Variants in PEX13 observed in about 807,000 individuals in gnomAD.
PEX13 encodes peroxisomal biogenesis factor 13.
In PEX13, 28 loss-of-function variants were observed where a neutral mutation model predicts 34.5. The observed-to-expected ratio is 0.81, with a 90% CI of 0.60 to 1.11. The LOEUF (loss-of-function observed/expected upper bound fraction) is 1.11, where lower values mean the gene tolerates loss of function less well. Among genes scored for constraint, PEX13 ranks in the 50% most tolerant of loss-of-function variants. The pLI, the probability that PEX13 is intolerant of heterozygous loss-of-function variation, is 0.00. For missense variants in PEX13, 550 were observed against 491.0 expected (o/e 1.12, Z -1.13); for synonymous variants, 177 against 175.1 (o/e 1.01, Z -0.09).
intron 2 of PEX13, among the ~76,000 whole-genome samples, chr2:61,039,733 T>C (rs1680591470): frequency 6.6e-6 from 1 of 152,126 alleles, no homozygotes; most frequent in Admixed American, 6.5e-5. Flanking sequence ...AAAGCCGGAA[T>C]AGACAGATGG....
rs1015105512 is a variant in PEX13 at position 61,048,818 on chromosome 2, T to A, written c.*48T>A. ...TTGAACAATACTTTAGAGTACTTTT[T>A]AAAATTATTTCTCACAAAGAAATGA... is the stretch of plus-strand genomic sequence containing the variant. On this transcript the variant is annotated 3_prime_UTR_variant, in exon 4 of 4. Transcript: ENST00000295030. 2 of 1,407,082 alleles carry A rather than the reference T, an allele frequency of 1.4e-6. No homozygotes were observed. Among genetic ancestry groups the A allele is most frequent in the Non-Finnish European group, 2.0e-6 (2 of 994,562 alleles). 87.2% of individuals were successfully genotyped at this position (1,407,082 alleles called of 1,614,324 possible).
rs943141246 is a variant in PEX13, at chr2:61,028,392, C to CT, written c.93-3012dup. 5.9e-3 allele frequency among the ~76,000 whole-genome samples: 797 copies of CT among 135,452 alleles called. 3 individuals are homozygous for CT. Among genetic ancestry groups the CT allele is most frequent in the South Asian group, 0.021 (88 of 4,186 alleles). The allele number at this position is 135,452 out of a possible 152,430, so 88.9% of individuals were successfully genotyped here. ...TGGGGGTAGGACATTTCTTTCTTTT[C>CT]TTTTTTTTTTTTTTTGAAACAGAGT... is the stretch of plus-strand genomic sequence containing the variant. On this transcript the variant is annotated intron_variant, in intron 1 of 3. Transcript: ENST00000295030.
chr2:61,024,312 C>T (rs1680314089), intron 1 of PEX13, among the ~76,000 whole-genome samples: 1 of 152,184 alleles, frequency 6.6e-6, no homozygotes, highest in Non-Finnish European at 1.5e-5. Context: ...GCCATTATTT[C>T]TTTAAATATG....
chr2:61,018,960 C>A (rs966964196), intron 1 of PEX13: 2 of 152,164 alleles, frequency 1.3e-5, no homozygotes, highest in Non-Finnish European at 2.9e-5. Context: ...AACACAGAGA[C>A]CAGTAGAGAG....
chr2:61,017,841 C>A lies in PEX13; in HGVS notation c.82C>A (p.Pro28Thr). 2 of 1,550,428 alleles carry A rather than the reference C, an allele frequency of 1.3e-6. No individual in the cohort carries two copies. The highest frequency in any genetic ancestry group is 1.7e-6 in the Non-Finnish European group (2 of 1,146,768). ...PGAGPGPGPGPTFQSADLGPT... is the reference protein window; with the variant it reads ...PGAGPGPGPGTTFQSADLGPT... ...AGCCGGACCGGGACCAGGACCGGGC[C>A]CCACTTTCCAGTGAGTGTGGGATTC... The change falls in exon 1 of 4, where the codon CCC becomes ACC. Residue 28 changes from proline to threonine, a missense_variant. By Grantham distance (38) the Pro-to-Thr change is conservative (BLOSUM62 -1). Coordinates refer to ENST00000295030, the MANE Select transcript of PEX13 (RefSeq NM_002618.4).
At chr2:61,018,914 A>G (rs1379662947) in intron 1 of PEX13, 1 of 152,302 alleles carries the variant, frequency 6.6e-6, no homozygotes, top group East Asian at 1.9e-4. Flanking sequence ...TTTATGTAAA[A>G]TTAACCATTT....
Position 61,051,323 on chromosome 2 carries a change from G to C in PEX13, c.*2553G>C, listed in dbSNP as rs188594037. 6.6e-6 allele frequency: 1 copy of C among 152,450 alleles called. No homozygotes were observed. Among genetic ancestry groups the C allele is most frequent in the East Asian group, 1.9e-4 (1 of 5,330 alleles). 9.4% of individuals were successfully genotyped at this position (152,450 alleles called of 1,614,324 possible). A position where few individuals can be genotyped will look rare whatever the true frequency, so the allele number is the denominator to read the frequency against. On this transcript the variant is annotated 3_prime_UTR_variant, in exon 4 of 4. Transcript: ENST00000295030. ...AAAACAGATTATTAAATTTGGGGTT[G>C]AGATGTCTAAATTGAATGCTAGAAG... is the stretch of plus-strand genomic sequence containing the variant.
intron 2 of PEX13, among the ~76,000 whole-genome samples, chr2:61,037,668 T>TAA (rs997877474): frequency 7.2e-5 from 11 of 152,286 alleles, no homozygotes; most frequent in Admixed American, 7.2e-4. Flanking sequence ...AGGAAAGATC[T>TAA]AAAATCAACA....
chr2:61,046,405 T>C (rs957378740), intron 3 of PEX13, among the ~76,000 whole-genome samples: 1 of 152,234 alleles, frequency 6.6e-6, no homozygotes, highest in African/African-American at 2.4e-5. Flanking sequence ...AATGACCTTT[T>C]CCTTCACCCT....
At chr2:61,018,511 TAGGAC>T in intron 1 of PEX13, 1 of 444,784 alleles carries the variant, frequency 2.2e-6, no homozygotes, top group Non-Finnish European at 3.8e-6. Context: ...AGTTGGTTTC[TAGGAC>T]TTTAAAAAGG....
intron 1 of PEX13, chr2:61,018,067 T>C (rs1191327135): frequency 6.7e-7 from 1 of 1,501,988 alleles, no homozygotes; most frequent in Non-Finnish European, 8.9e-7. Context: ...TCAGCAACGT[T>C]TTTTTCGGGA....
chr2:61,038,913 G>C (rs1161544888), intron 2 of PEX13, among the ~76,000 whole-genome samples: 2 of 152,294 alleles, frequency 1.3e-5, no homozygotes, highest in East Asian at 3.9e-4. Flanking sequence ...CAAAGTATCA[G>C]GATACAAAAT....
rs1174135305 is a variant in PEX13, at chr2:61,026,727, G to A, written c.93-4692G>A. On this transcript the variant is annotated intron_variant, in intron 1 of 3. Transcript: ENST00000295030. ...ATTTAATTTCAATTTTTATTTCACA[G>A]ATATTATTTCATTTCTCTCTCTGAT... 2.6e-5 allele frequency among the ~76,000 whole-genome samples: 4 copies of A among 152,176 alleles called. No homozygotes were observed. In the East Asian group the frequency reaches 7.7e-4, roughly 29 times the overall value.
intron 2 of PEX13, among the ~76,000 whole-genome samples, chr2:61,041,108 C>A (rs772144525): frequency 1.3e-5 from 2 of 152,030 alleles, no homozygotes; most frequent in African/African-American, 2.4e-5. Context: ...CCTGGCAAAT[C>A]GCTTGAGCCC....
At chr2:61,034,351 A>G (rs796856660) in intron 2 of PEX13, among the ~76,000 whole-genome samples, 1 of 152,202 alleles carries the variant, frequency 6.6e-6, no homozygotes, top group South Asian at 2.1e-4. Flanking sequence ...CAAGATAGCC[A>G]AATAGGAACA....
rs770219667 is a variant in PEX13, at chr2:61,021,911, T to TC, written c.92+4062dup. 3.4e-4 allele frequency among the ~76,000 whole-genome samples: 52 copies of TC among 152,146 alleles called. No homozygotes were observed. The Middle Eastern group carries it at 0.01, about 30-fold the overall frequency. ...GGTCTGCAGTGGACCTCCAGCAAAC[T>TC]CCAACAGACCTGCAGCTGAGGGACG... On this transcript the variant is annotated intron_variant, in intron 1 of 3. Coordinates refer to ENST00000295030, the MANE Select transcript of PEX13 (RefSeq NM_002618.4).
At chr2:61,040,916 G>A (rs535333426) in intron 2 of PEX13, among the ~76,000 whole-genome samples, 1 of 151,084 alleles carries the variant, frequency 6.6e-6, no homozygotes, top group African/African-American at 2.4e-5. Flanking sequence ...TGGTTTTTAG[G>A]TAGAGCTAGG....
Position 61,017,747 on chromosome 2 carries a change from G to A in PEX13, c.-13G>A, listed in dbSNP as rs755500053. On this transcript the variant is annotated 5_prime_UTR_variant, in exon 1 of 4. Coordinates refer to ENST00000295030, the MANE Select transcript of PEX13 (RefSeq NM_002618.4). The stretch of plus-strand genomic sequence containing the variant: ...TCAGGGGTAGGAGCGGGAGCCGAGA[G>A]GAGGCGGAGGAGATGGCGTCCCAGC... 23 of 1,547,864 alleles carry A rather than the reference G, an allele frequency of 1.5e-5. No homozygotes were observed. Among genetic ancestry groups the A allele is most frequent in the Non-Finnish European group, 6.1e-6 (7 of 1,145,628 alleles).
intron 2 of PEX13, among the ~76,000 whole-genome samples, chr2:61,040,550 T>TA (rs1573558045): frequency 6.6e-6 from 1 of 151,786 alleles, no homozygotes; most frequent in East Asian, 1.9e-4. Flanking sequence ...AACACATGGA[T>TA]ACAGGGCAGG....
Sources: gnomAD v4.1 joint callset for allele counts (sites outside exome capture counted in the v4.1 genomes callset) on GRCh38, gnomAD v4.1.1 for gene constraint, MANE v1.5 for transcripts, NCBI Gene and HGNC (gene_info 2026-07-23, HGNC 2026-07-21) for gene names.